Variants in CSNK1G2 observed in about 807,000 individuals in gnomAD.
CSNK1G2 encodes the protein casein kinase 1 gamma 2.
In CSNK1G2, 11 loss-of-function variants were observed where a neutral mutation model predicts 48.0. The ratio of observed to expected loss-of-function variants is 0.23; its 90% CI spans 0.14 to 0.38. The LOEUF (loss-of-function observed/expected upper bound fraction) is 0.38. Among genes scored for constraint, CSNK1G2 ranks in the 10% least tolerant of loss-of-function variants. The pLI is 1.00. For missense variants in CSNK1G2, 446 were observed against 595.5 expected, an observed-to-expected ratio of 0.75 and a Z score of 2.61; for synonymous variants, 337 against 254.1, an observed-to-expected ratio of 1.33 and a Z score of -3.10.
intron 1 of CSNK1G2, among the ~76,000 whole-genome samples, chr19:1,965,437 G>A (rs1020916078): frequency 6.6e-6 from 1 of 151,486 alleles, no homozygotes; most frequent in Non-Finnish European, 1.5e-5. Context: ...CATCCAGCCT[G>A]TAGCCTGTGG....
intron 2 of CSNK1G2, among the ~76,000 whole-genome samples, chr19:1,977,118 G>A (rs1331363096): frequency 6.6e-6 from 1 of 152,210 alleles, no homozygotes; most frequent in Non-Finnish European, 1.5e-5. Context: ...CCAGCTGGAT[G>A]GTGCCTGAGA....
At chr19:1,973,280 G>A (rs1008062903) in intron 2 of CSNK1G2, among the ~76,000 whole-genome samples, 1 of 151,810 alleles carries the variant, frequency 6.6e-6, no homozygotes, top group Admixed American at 6.6e-5. Context: ...CTGGAGTGCA[G>A]TGGCGCGATC....
chr19:1,941,772 GCTCCAGTGACCC>G (rs943256303), intron 1 of CSNK1G2, among the ~76,000 whole-genome samples: 1 of 80,944 alleles, frequency 1.2e-5, no homozygotes, highest in African/African-American at 4.0e-5. Flanking sequence ...TGCCCCCGCC[GCTCCAGTGACCC>G]CCCCACTCTG....
chr19:1,979,485 C>G lies in CSNK1G2; in HGVS notation c.854-10C>G, dbSNP rs765282962. 1 of 1,456,920 alleles carries G rather than the reference C, an allele frequency of 6.9e-7. No individual in the cohort carries two copies. The highest frequency in any genetic ancestry group is 1.1e-5 in the South Asian group (1 of 88,192). 90.2% of individuals were successfully genotyped at this position (1,456,920 alleles called of 1,614,324 possible). On this transcript the variant is annotated splice_polypyrimidine_tract_variant and intron_variant, in intron 8 of 11. Transcript: ENST00000255641. ...CCCCCGCCGAGGCCCCGCTGGCGCT[C>G]TCTCTGCAGAGGAGATGGCCACGTA... is the stretch of plus-strand genomic sequence containing the variant.
At chr19:1,955,460 G>A (rs534265791) in intron 1 of CSNK1G2, among the ~76,000 whole-genome samples, 90 of 146,192 alleles carry the variant, frequency 6.2e-4, no homozygotes, top group African/African-American at 2.2e-3. Context: ...GTGGGTCAGC[G>A]CCCCCCACTG....
At chr19:1,977,490 C>T (rs575794660) in intron 2 of CSNK1G2, among the ~76,000 whole-genome samples, 59 of 152,262 alleles carry the variant, frequency 3.9e-4, no homozygotes, top group African/African-American at 1.1e-3. Flanking sequence ...CAGGGGCTCC[C>T]GCCTGTTATC....
intron 2 of CSNK1G2, among the ~76,000 whole-genome samples, chr19:1,976,516 T>C (rs944456170): frequency 1.3e-5 from 2 of 152,250 alleles, no homozygotes; most frequent in Middle Eastern, 3.2e-3. Flanking sequence ...ATTCCTGTGC[T>C]GCAAGGCACG....
At chr19:1,945,079 G>T (rs547317492) in intron 1 of CSNK1G2, among the ~76,000 whole-genome samples, 1 of 152,250 alleles carries the variant, frequency 6.6e-6, no homozygotes, top group African/African-American at 2.4e-5. Context: ...CTGTCCTGAA[G>T]CCCTGCTGGG....
chr19:1,979,496 G>A lies in CSNK1G2; in HGVS notation c.855G>A (p.Glu285=), dbSNP rs201840791. 151 of 1,592,862 alleles carry A rather than the reference G, an allele frequency of 9.5e-5. No homozygotes were observed. The highest frequency in any genetic ancestry group is 1.2e-4 in the Non-Finnish European group (143 of 1,177,006). ...PIEVLCENFP[E]EMATYLRYVR... The stretch of plus-strand genomic sequence containing the variant: ...GCCCCGCTGGCGCTCTCTCTGCAGA[G>A]GAGATGGCCACGTACCTGCGCTATG... Residue 285 remains glutamate (E), a splice_region_variant and synonymous_variant, in exon 9 of 12, where the codon GAG becomes GAA. Transcript: ENST00000255641.
At chr19:1,964,728 T>G (rs1416282227) in intron 1 of CSNK1G2, among the ~76,000 whole-genome samples, 2 of 146,010 alleles carry the variant, frequency 1.4e-5, no homozygotes, top group East Asian at 4.2e-4. Flanking sequence ...AGTTTTTGTT[T>G]TTTTGTTTTT....
chr19:1,961,400 G>A (rs988344239), intron 1 of CSNK1G2, among the ~76,000 whole-genome samples: 4 of 152,244 alleles, frequency 2.6e-5, no homozygotes, highest in African/African-American at 4.8e-5. Flanking sequence ...GGGTGTGTGC[G>A]TCACCCTGAG....
chr19:1,969,691 G>C lies in CSNK1G2; in HGVS notation c.-82G>C. On this transcript the variant is annotated 5_prime_UTR_variant, in exon 2 of 12. Coordinates refer to ENST00000255641, the MANE Select transcript of CSNK1G2 (RefSeq NM_001319.7). ...CCGCAGTGATGTTCTAGCCACAGAGGAGCCAAGACCTCAGGTTTCCAGAGA... is the reference window on the plus strand; with the variant it reads ...CCGCAGTGATGTTCTAGCCACAGAGCAGCCAAGACCTCAGGTTTCCAGAGA... 1 of 1,151,802 alleles carries C rather than the reference G, an allele frequency of 8.7e-7. No homozygotes were observed. Among genetic ancestry groups the C allele is most frequent in the Non-Finnish European group, 1.1e-6 (1 of 901,880 alleles). 71.3% of individuals were successfully genotyped at this position (1,151,802 alleles called of 1,614,324 possible).
chr19:1,955,163 T>C (rs1432409625), intron 1 of CSNK1G2, among the ~76,000 whole-genome samples: 1 of 151,822 alleles, frequency 6.6e-6, no homozygotes, highest in Non-Finnish European at 1.5e-5. Flanking sequence ...CTCCAGGGAG[T>C]GATCTGCGCC....
chr19:1,974,054 A>G (rs189053059), intron 2 of CSNK1G2, among the ~76,000 whole-genome samples: 6 of 151,844 alleles, frequency 4.0e-5, no homozygotes, highest in African/African-American at 9.7e-5. Context: ...CACCCAGCTA[A>G]TTTTTGTATT....
chr19:1,972,628 T>C (rs1242206756), intron 2 of CSNK1G2, among the ~76,000 whole-genome samples: 1 of 152,222 alleles, frequency 6.6e-6, no homozygotes, highest in Non-Finnish European at 1.5e-5. Context: ...TGCTTTGTTT[T>C]GTTTTGTTTT....
chr19:1,954,135 C>A, intron 1 of CSNK1G2: 1 of 437,428 alleles, frequency 2.3e-6, no homozygotes. Context: ...TGCGTTAAAC[C>A]CATTACCGGC....
chr19:1,954,682 G>C (rs1568186237), intron 1 of CSNK1G2: 1 of 152,490 alleles, frequency 6.6e-6, no homozygotes, highest in Non-Finnish European at 1.5e-5. Flanking sequence ...CCTGGGCCCA[G>C]ACCAGATGGA....
In CSNK1G2 at chr19:1,979,843, C is replaced by T; in HGVS notation, c.1086+8C>T. 1 of 1,601,928 alleles carries T rather than the reference C, an allele frequency of 6.2e-7. No homozygotes were observed. The highest frequency in any genetic ancestry group is 8.5e-7 in the Non-Finnish European group (1 of 1,174,922). On this transcript the variant is annotated splice_region_variant and intron_variant, in intron 10 of 11. Transcript: ENST00000255641. ...CCGCACAGCAAAAACCAGGTGAGGC[C>T]CGGGCGGGACCGACCGCCCCAGGGA...
chr19:1,953,868 G>A (rs375092413), intron 1 of CSNK1G2: 23 of 533,460 alleles, frequency 4.3e-5, no homozygotes, highest in East Asian at 3.8e-4. Context: ...TGCTGATGGC[G>A]ACCTGTGACG....
Sources: gnomAD v4.1 joint callset for allele counts (sites outside exome capture counted in the v4.1 genomes callset) on GRCh38, gnomAD v4.1.1 for gene constraint, MANE v1.5 for transcripts, NCBI Gene and HGNC (gene_info 2026-07-23, HGNC 2026-07-21) for gene names.